The following ALKBH8 variants were observed in gnomAD, a reference collection of about 807,000 sequenced individuals.
The protein encoded by ALKBH8 is alkB homolog 8, tRNA methyltransferase, also known as tRNA (carboxymethyluridine(34)-5-O)-methyltransferase ALKBH8.
A neutral mutation model predicts 59.8 loss-of-function variants in ALKBH8; 36 were observed. The ratio of observed to expected loss-of-function variants is 0.60; its 90% CI spans 0.46 to 0.79. The LOEUF (loss-of-function observed/expected upper bound fraction) is 0.79. Ranked by LOEUF, ALKBH8 falls within the 30% of genes least tolerant of loss-of-function variation. The pLI is 0.00. For synonymous variants in ALKBH8, 276 were observed against 273.6 expected (o/e 1.01, Z -0.09); for missense variants, 768 against 801.0 (o/e 0.96, Z 0.50).
At chr11:107,551,218 T>C (rs1864476060) in intron 6 of ALKBH8, among the ~76,000 whole-genome samples, 1 of 152,106 alleles carries the variant, frequency 6.6e-6, no homozygotes, top group East Asian at 1.9e-4. Context: ...CTTCCCTCTC[T>C]AAAGGAAACG....
chr11:107,533,990 C>T (rs1271997640), intron 7 of ALKBH8, among the ~76,000 whole-genome samples: 1 of 151,946 alleles, frequency 6.6e-6, no homozygotes, highest in Non-Finnish European at 1.5e-5. Flanking sequence ...ATTAGCCGGG[C>T]ATAGTGGTGG....
intron 7 of ALKBH8, among the ~76,000 whole-genome samples, chr11:107,547,173 C>T (rs1462345508): frequency 6.6e-6 from 1 of 152,160 alleles, no homozygotes; most frequent in African/African-American, 2.4e-5. Context: ...ATAGGCATTA[C>T]AGGAAAGTTC....
At chr11:107,552,508 A>G (rs889951908) in intron 5 of ALKBH8, among the ~76,000 whole-genome samples, 3 of 152,192 alleles carry the variant, frequency 2.0e-5, no homozygotes, top group Non-Finnish European at 4.4e-5. Context: ...AAGAATATAA[A>G]AAGGAATTCA....
At chr11:107,531,348 G>T (rs1305180739) in intron 8 of ALKBH8, among the ~76,000 whole-genome samples, 1 of 152,122 alleles carries the variant, frequency 6.6e-6, no homozygotes, top group Non-Finnish European at 1.5e-5. Context: ...TCCTCAAAAG[G>T]CTAGAGATGT....
At position 107,503,355 on chromosome 11, in the gene ALKBH8, G is replaced by A. The variant is rs1862251546; in HGVS notation, c.*1303C>T. 1 of 152,090 alleles carries A rather than the reference G, an allele frequency of 6.6e-6. No homozygotes were observed. The highest frequency in any genetic ancestry group is 2.1e-4 in the South Asian group (1 of 4,820). The allele number at this position is 152,090 out of a possible 1,614,324, so 9.4% of individuals were successfully genotyped here. The stretch of plus-strand genomic sequence containing the variant: ...GATCACTATAGGTTTCTGAAAACTT[G>A]ATGCTTCAAGATTAAGTATCACTAG... On this transcript the variant is annotated 3_prime_UTR_variant, in exon 12 of 12. Transcript: ENST00000428149.
intron 1 of ALKBH8, chr11:107,563,517 TAAATTTATTTA>T (rs1320143298): frequency 6.6e-6 from 1 of 151,828 alleles, no homozygotes; most frequent in Non-Finnish European, 1.5e-5. Flanking sequence ...TTCTTAGAAT[TAAATTTATTTA>T]TTATTATTTA....
At position 107,554,114 on chromosome 11, in the gene ALKBH8, C is replaced by G. The variant is rs915242874; in HGVS notation, c.368-136G>C. The stretch of plus-strand genomic sequence containing the variant: ...CGGAAACAAGATTGCTGAAAGGCAC[C>G]CAACATATTAAAAGTGCAGAAACAA... On this transcript the variant is annotated intron_variant, in intron 3 of 11. Coordinates refer to ENST00000428149, the MANE Select transcript of ALKBH8 (RefSeq NM_138775.3). The G allele has an allele frequency of 7.0e-5, 74 of 1,049,710 alleles. No homozygotes were observed. The South Asian group carries it at 9.7e-4, about 14-fold the overall frequency. The allele number at this position is 1,049,710 out of a possible 1,614,324, so 65.0% of individuals were successfully genotyped here.
intron 3 of ALKBH8, among the ~76,000 whole-genome samples, chr11:107,555,869 A>G (rs1206414314): frequency 6.6e-6 from 1 of 152,236 alleles, no homozygotes; most frequent in Non-Finnish European, 1.5e-5. Context: ...AGCTATACTT[A>G]TTTAATTAAA....
Position 107,549,769 on chromosome 11 carries a change from A to G in ALKBH8, c.755T>C (p.Leu252Pro), listed in dbSNP as rs931151974. ...HSAFEDEIVSLSLGSEIVMDF... is the reference protein window; with the variant it reads ...HSAFEDEIVSPSLGSEIVMDF... Reference sequence around the variant, plus strand: ...ACCATTTACCTCTGACCCCAAACTGAGAGAAACGATCTCATCCTCAAAAGC... The same window carrying G: ...ACCATTTACCTCTGACCCCAAACTGGGAGAAACGATCTCATCCTCAAAAGC... Residue 252 changes from leucine (L) to proline (P), a missense_variant, in exon 7 of 12, where the codon CTC (leucine) becomes CCC (proline). Leu to Pro is a moderately conservative substitution (Grantham distance 98). Coordinates refer to ENST00000428149, the MANE Select transcript of ALKBH8 (RefSeq NM_138775.3). 1 of 1,549,684 alleles carries G rather than the reference A, an allele frequency of 6.5e-7. No individual in the cohort carries two copies. Among genetic ancestry groups the G allele is most frequent in the East Asian group, 2.4e-5 (1 of 40,878 alleles).
At chr11:107,554,441 T>A (rs1022283314) in intron 3 of ALKBH8, among the ~76,000 whole-genome samples, 2 of 152,124 alleles carry the variant, frequency 1.3e-5, no homozygotes, top group Admixed American at 1.3e-4. Context: ...ATACAAAATA[T>A]CATTTATGAA....
intron 1 of ALKBH8, among the ~76,000 whole-genome samples, 192 bp from the exon 2 acceptor site, chr11:107,561,091 C>T (rs1359814076): frequency 1.3e-5 from 2 of 152,132 alleles, no homozygotes; most frequent in Non-Finnish European, 2.9e-5. Context: ...CTAAGAATAT[C>T]TAATAGCATA....
At chr11:107,540,122 A>C (rs1863977806) in intron 7 of ALKBH8, among the ~76,000 whole-genome samples, 1 of 152,126 alleles carries the variant, frequency 6.6e-6, no homozygotes, top group Non-Finnish European at 1.5e-5. Context: ...CTGGTGTAGA[A>C]GCTTTCCTAG....
chr11:107,511,718 A>G (rs1862634979), intron 10 of ALKBH8, among the ~76,000 whole-genome samples: 2 of 152,040 alleles, frequency 1.3e-5, no homozygotes, highest in South Asian at 4.2e-4. Flanking sequence ...CTAGGATTAC[A>G]GGCATGAGCC....
chr11:107,553,012 C>T, intron 5 of ALKBH8, 96 bp downstream of exon 5: 1 of 726,852 alleles, frequency 1.4e-6, no homozygotes. Flanking sequence ...AGTTTATCTA[C>T]AAATGACAAA....
chr11:107,565,713 G>A lies in ALKBH8; in HGVS notation c.-119C>T, dbSNP rs1461402044. The A allele has an allele frequency of 6.5e-7, 1 of 1,526,838 alleles. No homozygotes were observed. The highest frequency in any genetic ancestry group is 1.4e-5 in the African/African-American group (1 of 72,852). The allele number at this position is 1,526,838 out of a possible 1,614,324, so 94.6% of individuals were successfully genotyped here. On this transcript the variant is annotated 5_prime_UTR_variant, in exon 1 of 12. Coordinates refer to ENST00000428149, the MANE Select transcript of ALKBH8 (RefSeq NM_138775.3). ...GATACTTGCACGCCATCTCCCCTGG[G>A]CGCGGCCATGTTGGAGAAAACTGCA...
chr11:107,555,152 C>CGG (rs1864654888), intron 3 of ALKBH8, among the ~76,000 whole-genome samples: 1 of 151,958 alleles, frequency 6.6e-6, no homozygotes, highest in African/African-American at 2.4e-5. Context: ...CTCAGCTTCT[C>CGG]GGGAGGCTGA....
intron 9 of ALKBH8, 41 bp from the exon 10 acceptor site, chr11:107,522,596 A>G (rs751166313): frequency 1.3e-6 from 2 of 1,522,110 alleles, no homozygotes; most frequent in South Asian, 2.5e-5. Context: ...TTTTATCAGA[A>G]TAACTCATAA....
At chr11:107,526,852 T>C (rs1365189832) in intron 8 of ALKBH8, among the ~76,000 whole-genome samples, 2 of 151,962 alleles carry the variant, frequency 1.3e-5, no homozygotes, top group African/African-American at 2.4e-5. Context: ...TTTAATTACA[T>C]TGGTATCTTT....
chr11:107,529,758 T>C (rs988555312), intron 8 of ALKBH8, among the ~76,000 whole-genome samples: 10 of 152,048 alleles, frequency 6.6e-5, no homozygotes, highest in African/African-American at 1.9e-4. Flanking sequence ...CGCCTTGGCC[T>C]CCCAAAGTGC....
Sources: gnomAD v4.1 joint callset for allele counts (sites outside exome capture counted in the v4.1 genomes callset) on GRCh38, gnomAD v4.1.1 for gene constraint, MANE v1.5 for transcripts, NCBI Gene and HGNC (gene_info 2026-07-23, HGNC 2026-07-21) for gene names.